The following ACOXL variants were observed in gnomAD, a reference collection of about 807,000 sequenced individuals.
The protein encoded by ACOXL is acyl-coenzyme A oxidase-like protein.
Under a neutral mutation model 71.9 loss-of-function variants are expected in ACOXL, and 70 were observed. The observed-to-expected ratio is 0.97, with a 90% CI of 0.80 to 1.19. The LOEUF is 1.19. Ranked by LOEUF, ACOXL falls within the 50% of genes most tolerant of loss-of-function variation. The probability of loss-of-function intolerance (pLI) is 0.00; values close to 1 mark genes in which losing one functional copy is unlikely to be tolerated. For missense variants in ACOXL, 703 were observed against 736.3 expected (o/e 0.95, Z 0.52); for synonymous variants, 253 against 281.6 (o/e 0.90, Z 1.02).
At chr2:111,112,015 CA>C (rs2070004652) in intron 17 of ACOXL, among the ~76,000 whole-genome samples, 1 of 152,060 alleles carries the variant, frequency 6.6e-6, no homozygotes, top group Admixed American at 6.6e-5. Flanking sequence ...AAATTTTCTT[CA>C]AGTTTAATTA....
In ACOXL at chr2:110,770,069, A is replaced by G. The variant is rs954422583; in HGVS notation, c.75+1605A>G. 1.9e-4 allele frequency among the ~76,000 whole-genome samples: 29 copies of G among 151,766 alleles called. 1 individual carries two copies. Among genetic ancestry groups the G allele is most frequent in the Admixed American group, 3.9e-4 (6 of 15,242 alleles). On this transcript the variant is annotated intron_variant, in intron 2 of 17. Transcript: ENST00000439055. ...AAATGAACAAACAAACAAACAAAAAACCCAACACCACCCGCCCTCTGAGAC... is the reference window on the plus strand; with the variant it reads ...AAATGAACAAACAAACAAACAAAAAGCCCAACACCACCCGCCCTCTGAGAC...
intron 10 of ACOXL, among the ~76,000 whole-genome samples, chr2:110,873,949 A>G (rs1033088454): frequency 6.6e-6 from 1 of 152,194 alleles, no homozygotes; most frequent in Non-Finnish European, 1.5e-5. Context: ...TGGTCTTGGC[A>G]TCCACCGTGT....
At chr2:111,037,399 G>A (rs1210504092) in intron 15 of ACOXL, among the ~76,000 whole-genome samples, 1 of 152,134 alleles carries the variant, frequency 6.6e-6, no homozygotes, top group Non-Finnish European at 1.5e-5. Flanking sequence ...GTTGCCCTGG[G>A]GAGAGGGGGA....
At chr2:111,015,355 A>C (rs1409332479) in intron 14 of ACOXL, among the ~76,000 whole-genome samples, 1 of 152,258 alleles carries the variant, frequency 6.6e-6, no homozygotes. Context: ...GTTAATGAGC[A>C]CATGCAACTT....
At chr2:110,914,388 T>A (rs888700796) in intron 11 of ACOXL, among the ~76,000 whole-genome samples, 1 of 152,218 alleles carries the variant, frequency 6.6e-6, no homozygotes, top group African/African-American at 2.4e-5. Flanking sequence ...GGTGTTCAAT[T>A]TATCTAAGTA....
chr2:110,798,569 C>A (rs777102926), intron 5 of ACOXL, 41 bp from the exon 6 acceptor site: 27 of 1,525,924 alleles, frequency 1.8e-5, no homozygotes, highest in Non-Finnish European at 2.4e-5. Flanking sequence ...TGAAATGAGC[C>A]ATGGGAAGGG....
At chr2:110,889,500 C>A (rs1328464148) in intron 10 of ACOXL, among the ~76,000 whole-genome samples, 2 of 152,158 alleles carry the variant, frequency 1.3e-5, no homozygotes, top group Non-Finnish European at 2.9e-5. Flanking sequence ...CTCCCAATTA[C>A]CCCTCCCTGC....
At chr2:111,061,744 C>T (rs2066826431) in intron 16 of ACOXL, among the ~76,000 whole-genome samples, 1 of 152,010 alleles carries the variant, frequency 6.6e-6, no homozygotes, top group Non-Finnish European at 1.5e-5. Flanking sequence ...GGATGGTAAA[C>T]TTTCCACACT....
At chr2:110,749,398 A>C (rs1234436599) in intron 1 of ACOXL, among the ~76,000 whole-genome samples, 1 of 152,198 alleles carries the variant, frequency 6.6e-6, no homozygotes, top group Non-Finnish European at 1.5e-5. Flanking sequence ...TTAACATCTT[A>C]CACAACCATA....
chr2:111,044,536 C>G (rs1378474042), intron 15 of ACOXL, among the ~76,000 whole-genome samples: 2 of 152,208 alleles, frequency 1.3e-5, no homozygotes, highest in Admixed American at 1.3e-4. Flanking sequence ...GACGGGATTT[C>G]TGAGCACTGA....
chr2:111,047,018 T>G (rs1000243479), intron 15 of ACOXL, among the ~76,000 whole-genome samples: 3 of 152,012 alleles, frequency 2.0e-5, no homozygotes, highest in African/African-American at 7.2e-5. Flanking sequence ...AGCACTACTG[T>G]GGGAAAGTGG....
intron 17 of ACOXL, among the ~76,000 whole-genome samples, chr2:111,107,400 A>T (rs1574785308): frequency 6.6e-6 from 1 of 152,240 alleles, no homozygotes; most frequent in Admixed American, 6.5e-5. Flanking sequence ...ACTTAGTAGG[A>T]GAAATAGGGA....
rs77323854 is a variant in ACOXL, at chr2:111,068,583, G to A, written c.1440+19295G>A. Among the ~76,000 whole-genome samples the A allele has an allele frequency of 4.4e-3, 676 of 152,302 alleles. 11 individuals carry two copies. In the East Asian group the frequency reaches 0.047, roughly 11 times the overall value. On this transcript the variant is annotated intron_variant, in intron 16 of 17. Transcript: ENST00000439055. Reference sequence around the variant, plus strand: ...TCCACATGGCCCCCAAGGCTCTGTGGCCTGTGGTCTAGCTGCAGAGGATAG... The same window carrying A: ...TCCACATGGCCCCCAAGGCTCTGTGACCTGTGGTCTAGCTGCAGAGGATAG...
intron 1 of ACOXL, among the ~76,000 whole-genome samples, chr2:110,765,349 A>G (rs1227373081): frequency 6.6e-6 from 1 of 152,132 alleles, no homozygotes; most frequent in Non-Finnish European, 1.5e-5. Context: ...GTTTTTAGCT[A>G]TTATATCTTA....
chr2:111,064,263 C>T (rs560053875), intron 16 of ACOXL, among the ~76,000 whole-genome samples: 3 of 152,050 alleles, frequency 2.0e-5, no homozygotes, highest in African/African-American at 7.2e-5. Flanking sequence ...AGTGAAACCC[C>T]GTCTCTACTA....
intron 14 of ACOXL, among the ~76,000 whole-genome samples, chr2:111,004,098 C>A (rs892128507): frequency 1.3e-5 from 2 of 152,164 alleles, no homozygotes; most frequent in African/African-American, 2.4e-5. Context: ...CTGACCCAAA[C>A]AGAGTCTGGG....
intron 2 of ACOXL, among the ~76,000 whole-genome samples, chr2:110,771,200 C>G (rs534992110): frequency 6.6e-6 from 1 of 152,194 alleles, no homozygotes; most frequent in Admixed American, 6.5e-5. Context: ...AGGCTCATCT[C>G]GCTGGGCGGA....
intron 13 of ACOXL, among the ~76,000 whole-genome samples, chr2:110,989,857 A>T (rs963475450): frequency 6.6e-6 from 1 of 152,132 alleles, no homozygotes; most frequent in Non-Finnish European, 1.5e-5. Context: ...CCTGGGCAAC[A>T]TGGTGAAACC....
chr2:111,064,435 C>CAAAAAAAAAA (rs34617136), intron 16 of ACOXL, among the ~76,000 whole-genome samples: 1 of 85,320 alleles, frequency 1.2e-5, no homozygotes. Context: ...CACTCCATCT[C>CAAAAAAAAAA]AAAAAAAAAA....
Sources: allele counts gnomAD v4.1 joint callset (sites outside exome capture counted in the v4.1 genomes callset), GRCh38; gene constraint gnomAD v4.1.1; transcripts MANE v1.5; gene names NCBI Gene and HGNC (gene_info 2026-07-23, HGNC 2026-07-21).